PDE4D: variants seen among roughly 807,000 people sequenced by gnomAD.
PDE4D encodes the protein phosphodiesterase 4D.
Under a neutral mutation model 87.4 loss-of-function variants are expected in PDE4D, and 24 were observed. The observed-to-expected ratio is 0.27, with a 90% CI of 0.20 to 0.39. The LOEUF (loss-of-function observed/expected upper bound fraction) is 0.39. Ranked by LOEUF, PDE4D falls within the 10% of genes least tolerant of loss-of-function variation. The pLI, the probability that PDE4D is intolerant of heterozygous loss-of-function variation, is 1.00. For missense variants in PDE4D, 714 were observed against 1,041.0 expected (o/e 0.69, Z 4.32); for synonymous variants, 384 against 383.2 (o/e 1.00, Z -0.02).
chr5:59,939,112 A>T (rs1441140186), intron 3 of PDE4D, among the ~76,000 whole-genome samples: 1 of 152,190 alleles, frequency 6.6e-6, no homozygotes, highest in Non-Finnish European at 1.5e-5. Flanking sequence ...CCGTCAGCCA[A>T]GGTCTGTAAT....
chr5:60,099,958 C>CA (rs1197641569), intron 2 of PDE4D, among the ~76,000 whole-genome samples: 7 of 151,238 alleles, frequency 4.6e-5, no homozygotes, highest in African/African-American at 1.7e-4. Context: ...TTTTTCACAG[C>CA]AAAAAAGAAA....
At chr5:59,062,679 G>A (rs1763310287) in intron 5 of PDE4D, among the ~76,000 whole-genome samples, 1 of 144,618 alleles carries the variant, frequency 6.9e-6, no homozygotes, top group South Asian at 2.2e-4. Context: ...GAGGTGGAAT[G>A]TTTACAATGA....
chr5:59,526,606 G>A (rs73097399), intron 1 of PDE4D, among the ~76,000 whole-genome samples: 12,299 of 152,090 alleles, frequency 0.081, 1,419 homozygotes, highest in African/African-American at 0.25. Context: ...AAAATAGCAA[G>A]AGGAATCTTT....
chr5:59,924,380 G>T (rs576657515), intron 3 of PDE4D, among the ~76,000 whole-genome samples: 4 of 151,984 alleles, frequency 2.6e-5, no homozygotes, highest in Non-Finnish European at 2.9e-5. Context: ...AGTACAAGAA[G>T]GTTATAGAAC....
chr5:59,047,885 T>C (rs998425384), intron 5 of PDE4D, among the ~76,000 whole-genome samples: 2 of 152,214 alleles, frequency 1.3e-5, no homozygotes, highest in African/African-American at 4.8e-5. Context: ...ACATGCTATG[T>C]GGGCAGTCTG....
chr5:59,263,159 A>C (rs988106373), intron 1 of PDE4D, among the ~76,000 whole-genome samples: 3 of 151,974 alleles, frequency 2.0e-5, no homozygotes, highest in Non-Finnish European at 4.4e-5. Context: ...AATTGACTGT[A>C]ATATTCTTTG....
In PDE4D at chr5:59,757,342, C is replaced by T. The variant is rs74327914; in HGVS notation, c.455+135826G>A. On this transcript the variant is annotated intron_variant, in intron 1 of 14. Transcript: ENST00000340635. ...CTTTGTTTGCTCTTATTAAAGCTTA[C>T]ACTTTTTAAATAATATATTGAATCA... is the stretch of plus-strand genomic sequence containing the variant. Among the ~76,000 whole-genome samples the T allele has an allele frequency of 1.9e-3, 287 of 152,318 alleles. 2 individuals carry two copies. The highest frequency in any genetic ancestry group is 3.4e-3 in the Non-Finnish European group (229 of 68,040).
chr5:59,860,820 A>C (rs1014224176), intron 1 of PDE4D, among the ~76,000 whole-genome samples: 2 of 151,946 alleles, frequency 1.3e-5, no homozygotes, highest in Non-Finnish European at 2.9e-5. Context: ...GATAAATGCT[A>C]ACATAACCTT....
intron 2 of PDE4D, among the ~76,000 whole-genome samples, chr5:60,043,451 C>A (rs1024453593): frequency 6.6e-6 from 1 of 152,202 alleles, no homozygotes; most frequent in Admixed American, 6.5e-5. Context: ...GAGAACACCA[C>A]AAAGATACTC....
chr5:60,142,281 A>T (rs1163386139), intron 2 of PDE4D, among the ~76,000 whole-genome samples: 3 of 152,098 alleles, frequency 2.0e-5, no homozygotes, highest in East Asian at 3.9e-4. Flanking sequence ...AGAAGAAAGA[A>T]AGATTTGAAA....
chr5:59,555,359 A>G (rs1030174149), intron 1 of PDE4D, among the ~76,000 whole-genome samples: 6 of 152,104 alleles, frequency 3.9e-5, no homozygotes, highest in African/African-American at 1.4e-4. Flanking sequence ...GGAGGGTGGT[A>G]TGAGGGAGAC....
chr5:59,211,369 T>C (rs1283468702), intron 2 of PDE4D, among the ~76,000 whole-genome samples: 1 of 152,200 alleles, frequency 6.6e-6, no homozygotes, highest in Non-Finnish European at 1.5e-5. Context: ...TAGTGCTATA[T>C]ACTTGTATAC....
chr5:59,601,341 C>T (rs994843435), intron 1 of PDE4D, among the ~76,000 whole-genome samples: 1 of 151,838 alleles, frequency 6.6e-6, no homozygotes, highest in African/African-American at 2.4e-5. Context: ...AACTAATCCT[C>T]TTCCCGTGAA....
intron 2 of PDE4D, among the ~76,000 whole-genome samples, chr5:60,078,641 A>G (rs1157335141): frequency 6.6e-6 from 1 of 152,106 alleles, no homozygotes; most frequent in Non-Finnish European, 1.5e-5. Flanking sequence ...AGTGGTGTTC[A>G]GTTTTCTGTT....
intron 3 of PDE4D, among the ~76,000 whole-genome samples, chr5:59,933,284 C>A (rs1432162274): frequency 6.6e-6 from 1 of 152,146 alleles, no homozygotes; most frequent in East Asian, 1.9e-4. Context: ...TTACTCTTAA[C>A]GCTGAAAGTT....
intron 3 of PDE4D, among the ~76,000 whole-genome samples, chr5:59,916,072 C>A (rs906837487): frequency 6.6e-6 from 1 of 152,148 alleles, no homozygotes; most frequent in African/African-American, 2.4e-5. Flanking sequence ...ACCACACAAA[C>A]CCCAAAATAC....
At chr5:59,791,733 A>G (rs1765813535) in intron 1 of PDE4D, among the ~76,000 whole-genome samples, 1 of 152,228 alleles carries the variant, frequency 6.6e-6, no homozygotes, top group South Asian at 2.1e-4. Context: ...TTCTAAAGTT[A>G]CAGGTCTAGG....
intron 1 of PDE4D, among the ~76,000 whole-genome samples, chr5:59,577,181 A>T (rs1189180815): frequency 6.6e-6 from 1 of 152,168 alleles, no homozygotes; most frequent in African/African-American, 2.4e-5. Context: ...AGATATGAGA[A>T]ATGTATAGGT....
intron 5 of PDE4D, among the ~76,000 whole-genome samples, chr5:59,073,782 A>T (rs1197275264): frequency 6.6e-6 from 1 of 152,238 alleles, no homozygotes; most frequent in African/African-American, 2.4e-5. Context: ...TTTCTAATAC[A>T]GATCTGAGAA....
Sources: gnomAD v4.1 joint callset for allele counts (sites outside exome capture counted in the v4.1 genomes callset) on GRCh38, gnomAD v4.1.1 for gene constraint, MANE v1.5 for transcripts, NCBI Gene and HGNC (gene_info 2026-07-23, HGNC 2026-07-21) for gene names.